The following DOCK4 variants were observed in gnomAD, a reference collection of about 807,000 sequenced individuals.
DOCK4 encodes dedicator of cytokinesis 4.
DOCK4 carries 97 observed loss-of-function variants against 268.1 expected under a neutral mutation model. The ratio of observed to expected loss-of-function variants is 0.36; its 90% CI spans 0.31 to 0.43. The LOEUF (loss-of-function observed/expected upper bound fraction) is 0.43, where lower values mean the gene tolerates loss of function less well. DOCK4 is among the 20% of genes least tolerant of loss of function. DOCK4 has a pLI of 1.00. For synonymous variants in DOCK4, 954 were observed against 887.2 expected (o/e 1.08, Z -1.34); for missense variants, 2,145 against 2,455.7 (o/e 0.87, Z 2.67).
intron 26 of DOCK4, among the ~76,000 whole-genome samples, chr7:111,829,149 A>T (rs564137055): frequency 5.5e-4 from 84 of 152,268 alleles, no homozygotes; most frequent in African/African-American, 2.0e-3. Context: ...AAATGTACAT[A>T]CAAAACCCCA....
At chr7:111,729,383 C>T (rs1794909773) in intron 52 of DOCK4, among the ~76,000 whole-genome samples, 1 of 152,006 alleles carries the variant, frequency 6.6e-6, no homozygotes, top group African/African-American at 2.4e-5. Flanking sequence ...CATGGCAAAA[C>T]CCCATTTCTA....
intron 44 of DOCK4, 77 bp downstream of exon 44, chr7:111,746,257 A>G: frequency 1.7e-6 from 2 of 1,171,464 alleles, no homozygotes; most frequent in Middle Eastern, 2.0e-4. Flanking sequence ...GATGCAGGAA[A>G]CCATGCAGAG....
intron 1 of DOCK4, among the ~76,000 whole-genome samples, chr7:112,195,798 C>A (rs1820370749): frequency 6.6e-6 from 1 of 152,026 alleles, no homozygotes. Flanking sequence ...GTCTAATAAA[C>A]AGCAAATTTC....
intron 15 of DOCK4, among the ~76,000 whole-genome samples, chr7:111,899,905 CAG>C (rs1367471845): frequency 6.6e-6 from 1 of 152,216 alleles, no homozygotes; most frequent in Admixed American, 6.5e-5. Flanking sequence ...GCCTGGGCAA[CAG>C]AGTGAGGCTT....
intron 34 of DOCK4, 96 bp from the exon 35 acceptor site, chr7:111,783,020 A>T: frequency 2.6e-6 from 2 of 784,140 alleles, no homozygotes; most frequent in East Asian, 4.6e-5. Flanking sequence ...GAAAGAAAGA[A>T]AAAAAAAAAA....
chr7:112,091,835 T>TC (rs1260426375), intron 1 of DOCK4, among the ~76,000 whole-genome samples: 1 of 152,170 alleles, frequency 6.6e-6, no homozygotes, highest in African/African-American at 2.4e-5. Context: ...TCTGAAGGCA[T>TC]CAAGAACTGA....
At chr7:112,062,559 G>A (rs991102302) in intron 1 of DOCK4, among the ~76,000 whole-genome samples, 2 of 152,118 alleles carry the variant, frequency 1.3e-5, no homozygotes, top group Non-Finnish European at 2.9e-5. Flanking sequence ...TGTATCTCCA[G>A]TACCAAAAAC....
intron 1 of DOCK4, among the ~76,000 whole-genome samples, chr7:112,013,043 A>C (rs1801487655): frequency 6.6e-6 from 1 of 152,206 alleles, no homozygotes; most frequent in Non-Finnish European, 1.5e-5. Flanking sequence ...CCCAGCCTCC[A>C]CACACACCAC....
intron 1 of DOCK4, among the ~76,000 whole-genome samples, chr7:112,130,550 A>G (rs1404245115): frequency 6.6e-6 from 1 of 152,236 alleles, no homozygotes; most frequent in East Asian, 1.9e-4. Context: ...TATGTAAAGC[A>G]AGTAAAATTA....
rs60025084 is a variant in DOCK4 at position 111,760,476 on chromosome 7, A to G, written c.4021-154T>C. Among the ~76,000 whole-genome samples, 822 of 152,282 alleles carry G rather than the reference A, an allele frequency of 5.4e-3. 8 individuals carry two copies. Among genetic ancestry groups the G allele is most frequent in the African/African-American group, 0.018 (762 of 41,560 alleles). On this transcript the variant is annotated intron_variant, in intron 39 of 52. Transcript: ENST00000428084. Reference sequence around the variant, plus strand: ...TGGAACAATCTGAAAAGTTTGCCCAATTGTTAAAAATGCAGATAAAGATCA... The same window carrying G: ...TGGAACAATCTGAAAAGTTTGCCCAGTTGTTAAAAATGCAGATAAAGATCA...
intron 1 of DOCK4, 113 bp from the exon 2 acceptor site, chr7:112,004,244 G>C (rs1800674504): frequency 1.3e-6 from 1 of 764,044 alleles, no homozygotes; most frequent in Admixed American, 2.8e-5. Flanking sequence ...TTGATAGCTG[G>C]AACCCTCTGT....
intron 1 of DOCK4, among the ~76,000 whole-genome samples, chr7:112,138,472 A>G (rs1814570819): frequency 6.6e-6 from 1 of 152,240 alleles, no homozygotes; most frequent in African/African-American, 2.4e-5. Flanking sequence ...AGAATGGCCA[A>G]GAAAGTATTT....
Position 111,906,875 on chromosome 7 carries a change from C to T in DOCK4, c.1193-5074G>A, listed in dbSNP as rs1167627172. Among the ~76,000 whole-genome samples the T allele has an allele frequency of 2.6e-5, 4 of 152,214 alleles. No homozygotes were observed. In the East Asian group the frequency reaches 7.7e-4, roughly 29 times the overall value. On this transcript the variant is annotated intron_variant, in intron 13 of 52. Transcript: ENST00000428084. The stretch of plus-strand genomic sequence containing the variant: ...TGGAAGCATCAGAAGAAATGCAGCC[C>T]TGATCACACCTTGATTTTAGTTCAG...
chr7:111,737,090 AAAT>A, intron 49 of DOCK4, 101 bp from the exon 50 acceptor site: 1 of 1,069,936 alleles, frequency 9.3e-7, no homozygotes, highest in African/African-American at 1.6e-5. Context: ...TTTTTGTTCA[AAAT>A]AATTTTTGTG....
intron 1 of DOCK4, among the ~76,000 whole-genome samples, chr7:112,183,690 G>C (rs1819245125): frequency 6.6e-6 from 1 of 152,204 alleles, no homozygotes; most frequent in Admixed American, 6.5e-5. Flanking sequence ...AACCCTGGGA[G>C]TGGGGGTGAG....
chr7:111,865,106 G>C (rs747565951), intron 22 of DOCK4, among the ~76,000 whole-genome samples: 3 of 152,236 alleles, frequency 2.0e-5, no homozygotes, highest in Admixed American at 6.5e-5. Context: ...GACACACAGG[G>C]AAAGATAACT....
At chr7:112,172,631 T>G (rs1011828100) in intron 1 of DOCK4, among the ~76,000 whole-genome samples, 8 of 152,212 alleles carry the variant, frequency 5.3e-5, no homozygotes, top group African/African-American at 1.9e-4. Flanking sequence ...CATCTTCAAG[T>G]ATTTATCTTC....
Position 111,994,214 on chromosome 7 carries a change from A to G in DOCK4, c.236T>C (p.Ile79Thr), listed in dbSNP as rs745495318. Residue 79 changes from isoleucine to threonine, a missense_variant, in exon 5 of 53, where the codon ATT becomes ACT. Physicochemically the swap from Ile to Thr is moderately conservative, Grantham distance 89. Transcript: ENST00000428084. ...VKNKGQFEMV[I>T]PTEDSVITEM... ...TGTGATAACAGAGTCTTCAGTGGGA[A>G]TAACCATTTCAAATTGTCTGTGAAA... 5 of 1,593,326 alleles carry G rather than the reference A, an allele frequency of 3.1e-6. No individual in the cohort carries two copies. In the South Asian group the frequency reaches 5.7e-5, roughly 18 times the overall value.
intron 47 of DOCK4, among the ~76,000 whole-genome samples, chr7:111,740,578 C>T (rs1469359244): frequency 6.7e-6 from 1 of 149,718 alleles, no homozygotes; most frequent in Non-Finnish European, 1.5e-5. Flanking sequence ...ACTAAAAATA[C>T]AAAAATTAGT....
Sources: gnomAD v4.1 joint callset for allele counts (sites outside exome capture counted in the v4.1 genomes callset) on GRCh38, gnomAD v4.1.1 for gene constraint, MANE v1.5 for transcripts, NCBI Gene and HGNC (gene_info 2026-07-23, HGNC 2026-07-21) for gene names.